ATP13A4: variants seen among roughly 807,000 people sequenced by gnomAD.
ATP13A4 encodes ATPase 13A4.
Under a neutral mutation model 142.5 loss-of-function variants are expected in ATP13A4, and 114 were observed. The observed-to-expected ratio is 0.80, with a 90% CI of 0.69 to 0.93. ATP13A4 has a LOEUF of 0.93. Ranked by LOEUF, ATP13A4 falls within the 40% of genes least tolerant of loss-of-function variation. The pLI, the probability that ATP13A4 is intolerant of heterozygous loss-of-function variation, is 0.00. For missense variants in ATP13A4, 1,392 were observed against 1,454.0 expected (o/e 0.96, Z 0.69); for synonymous variants, 488 against 514.8 (o/e 0.95, Z 0.70).
intron 5 of ATP13A4, 109 bp from the exon 6 acceptor site, chr3:193,491,507 C>T (rs1719941562): frequency 3.7e-6 from 3 of 820,174 alleles, no homozygotes; most frequent in African/African-American, 1.7e-5. Flanking sequence ...ACTTGTGAGA[C>T]CAACATAAGT....
chr3:193,514,255 A>G (rs574918296), intron 2 of ATP13A4, among the ~76,000 whole-genome samples: 1 of 152,276 alleles, frequency 6.6e-6, no homozygotes, highest in South Asian at 2.1e-4. Context: ...ACCTTCTGAC[A>G]GACCCCCGTA....
intron 25 of ATP13A4, among the ~76,000 whole-genome samples, chr3:193,432,109 C>G (rs888404402): frequency 1.1e-5 from 1 of 94,764 alleles, no homozygotes; most frequent in Non-Finnish European, 2.9e-5. Flanking sequence ...TGGGAATGAT[C>G]TAGTAAACAA....
chr3:193,404,152 T>A, intron 29 of ATP13A4: 1 of 985,338 alleles, frequency 1.0e-6, no homozygotes, highest in Middle Eastern at 5.2e-4. Flanking sequence ...GTGAAAACAG[T>A]AGTTCTTCTT....
At chr3:193,557,025 C>T (rs1723914582), upstream of ATP13A4, among the ~76,000 whole-genome samples, 1 of 152,150 alleles carries the variant, frequency 6.6e-6, no homozygotes, top group African/African-American at 2.4e-5. Flanking sequence ...TTCCTTTTGG[C>T]TGGGTTCCTG....
At chr3:193,433,150 C>T (rs1716071238) in intron 25 of ATP13A4, among the ~76,000 whole-genome samples, 1 of 152,064 alleles carries the variant, frequency 6.6e-6, no homozygotes, top group Admixed American at 6.6e-5. Flanking sequence ...ACAACAAAGA[C>T]ATGTCAAAAC....
intron 8 of ATP13A4, among the ~76,000 whole-genome samples, chr3:193,479,419 G>C (rs1719161723): frequency 6.6e-6 from 1 of 152,156 alleles, no homozygotes; most frequent in South Asian, 2.1e-4. Flanking sequence ...ATTCAGCAAA[G>C]TTTCAGGATA....
chr3:193,503,687 A>C (rs556355169), intron 2 of ATP13A4, among the ~76,000 whole-genome samples: 2 of 152,160 alleles, frequency 1.3e-5, no homozygotes, highest in Non-Finnish European at 1.5e-5. Flanking sequence ...CATCCTCCTA[A>C]GAGAAGACCG....
chr3:193,439,026 A>G lies in ATP13A4; in HGVS notation c.2559T>C (p.Cys853=). The G allele has an allele frequency of 1.9e-6, 3 of 1,609,494 alleles. No individual in the cohort carries two copies. The highest frequency in any genetic ancestry group is 2.6e-6 in the Non-Finnish European group (3 of 1,175,790). ...ACACAAACTGGTAGCTACTTACCCCACAGTCATTGGCTCCATCACCACACA... is the reference window on the plus strand; with the variant it reads ...ACACAAACTGGTAGCTACTTACCCCGCAGTCATTGGCTCCATCACCACACA... ...VGMCGDGAND[C]GALKMAHVGI... is the part of the protein sequence containing the mutation. Residue 853 remains cysteine, a synonymous_variant, in exon 22 of 30, where the codon TGT becomes TGC. Transcript: ENST00000342695.
At chr3:193,459,786 C>T (rs1295724732) in intron 13 of ATP13A4, among the ~76,000 whole-genome samples, 2 of 152,132 alleles carry the variant, frequency 1.3e-5, no homozygotes, top group African/African-American at 2.4e-5. Context: ...CCACCCTGGC[C>T]TCTTGTGTCC....
intron 25 of ATP13A4, among the ~76,000 whole-genome samples, chr3:193,414,957 CT>C: frequency 6.6e-6 from 1 of 152,066 alleles, no homozygotes; most frequent in South Asian, 2.1e-4. Flanking sequence ...CAAGATGTCA[CT>C]TTTGGCCTTA....
chr3:193,405,088 G>A (rs959564621), intron 29 of ATP13A4, among the ~76,000 whole-genome samples: 4 of 152,216 alleles, frequency 2.6e-5, no homozygotes, highest in African/African-American at 9.6e-5. Context: ...GATTAGATAA[G>A]TGGAATAATT....
chr3:193,410,669 C>T (rs1045608128), intron 28 of ATP13A4, among the ~76,000 whole-genome samples: 2 of 152,086 alleles, frequency 1.3e-5, no homozygotes, highest in Admixed American at 6.5e-5. Context: ...TAGTGAACTA[C>T]GATTGCACCA....
At chr3:193,449,069 G>C (rs374288607) in intron 17 of ATP13A4, among the ~76,000 whole-genome samples, 1 of 152,184 alleles carries the variant, frequency 6.6e-6, no homozygotes, top group Non-Finnish European at 1.5e-5. Context: ...GGAGATATGA[G>C]GTCATAATCT....
chr3:193,518,496 C>T (rs986817862), intron 1 of ATP13A4, among the ~76,000 whole-genome samples: 16 of 152,210 alleles, frequency 1.1e-4, no homozygotes, highest in African/African-American at 3.6e-4. Context: ...AGTACAGTGG[C>T]TGCCTCTGTT....
chr3:193,537,138 A>G (rs1344921627), intron 1 of ATP13A4, among the ~76,000 whole-genome samples: 1 of 152,136 alleles, frequency 6.6e-6, no homozygotes, highest in Non-Finnish European at 1.5e-5. Context: ...TCAATAAATT[A>G]TAATAGCTAA....
chr3:193,479,984 C>G (rs1719195923), intron 8 of ATP13A4, among the ~76,000 whole-genome samples: 1 of 152,148 alleles, frequency 6.6e-6, no homozygotes, highest in Non-Finnish European at 1.5e-5. Flanking sequence ...GCCAACTGAT[C>G]TTTGACAAAG....
At chr3:193,592,627 C>T (rs970355378) in intron 1 of ATP13A4, among the ~76,000 whole-genome samples, 1 of 152,300 alleles carries the variant, frequency 6.6e-6, no homozygotes, top group Middle Eastern at 3.4e-3. Flanking sequence ...ATCATTTTGA[C>T]GCCTTTTATA....
intron 16 of ATP13A4, 116 bp from the exon 17 acceptor site, chr3:193,454,328 T>C (rs1200795915): frequency 4.0e-6 from 3 of 759,464 alleles, no homozygotes; most frequent in Non-Finnish European, 6.9e-6. Context: ...TACAAAGATA[T>C]GTAAACAAGT....
At chr3:193,462,184 T>C (rs1576988400) in intron 13 of ATP13A4, among the ~76,000 whole-genome samples, 1 of 147,128 alleles carries the variant, frequency 6.8e-6, no homozygotes, top group Admixed American at 6.9e-5. Context: ...ATCATGCCAC[T>C]GCACTCCAGC....
Sources: allele counts gnomAD v4.1 joint callset (sites outside exome capture counted in the v4.1 genomes callset), GRCh38; gene constraint gnomAD v4.1.1; transcripts MANE v1.5; gene names NCBI Gene and HGNC (gene_info 2026-07-23, HGNC 2026-07-21).